Variants in IMPDH2 observed in about 807,000 individuals in gnomAD.
The protein encoded by IMPDH2 is inosine monophosphate dehydrogenase 2.
In IMPDH2, 33 loss-of-function variants were observed where a neutral mutation model predicts 57.8. The observed-to-expected ratio is 0.57, with a 90% CI of 0.43 to 0.76. The LOEUF (loss-of-function observed/expected upper bound fraction) is 0.76. Ranked by LOEUF, IMPDH2 falls within the 30% of genes least tolerant of loss-of-function variation. IMPDH2 has a pLI of 0.00. For missense variants in IMPDH2, 446 were observed against 659.1 expected (o/e 0.68, Z 3.54); for synonymous variants, 270 against 241.3 (o/e 1.12, Z -1.10).
intron 11 of IMPDH2, 44 bp from the exon 12 acceptor site, chr3:49,024,846 GAGAC>G: frequency 1.2e-6 from 2 of 1,614,180 alleles, no homozygotes; most frequent in Non-Finnish European, 1.7e-6. Context: ...CAGCAGAGAT[GAGAC>G]TGTCAGTGCA....
chr3:49,029,212 C>A, intron 1 of IMPDH2, 41 bp downstream of exon 1: 1 of 1,482,150 alleles, frequency 6.7e-7, no homozygotes. Flanking sequence ...CCCCAGGGTG[C>A]CGCCCCTCTC....
chr3:49,028,498 A>G lies in IMPDH2; in HGVS notation c.182T>C (p.Leu61Pro). The G allele has an allele frequency of 6.2e-7, 1 of 1,614,142 alleles. No homozygotes were observed. Among genetic ancestry groups the G allele is most frequent in the African/African-American group, 1.3e-5 (1 of 75,038 alleles). Reference protein sequence around the residue: ...LTSALTKKITLKTPLVSSPMD... With the variant: ...LTSALTKKITPKTPLVSSPMD... ...GGGAGAGGAAACCAGTGGGGTCTTA[A>G]GAGTGATTTTCTTGGTCAGAGCAGA... The change falls in exon 3 of 14, where the codon CTT becomes CCT. Residue 61 changes from leucine (L) to proline (P), a missense_variant. By Grantham distance (98) the Leu-to-Pro change is moderately conservative. Coordinates refer to ENST00000326739, the MANE Select transcript of IMPDH2 (RefSeq NM_000884.3).
chr3:49,024,854 C>A, intron 11 of IMPDH2, 42 bp downstream of exon 11: 1 of 1,614,096 alleles, frequency 6.2e-7, no homozygotes, highest in Non-Finnish European at 8.5e-7. Flanking sequence ...ATGAGACTGT[C>A]AGTGCAGGAT....
Position 49,024,563 on chromosome 3 carries a change from A to G in IMPDH2, c.1455T>C (p.Ser485=), listed in dbSNP as rs1375550292. ...TTCTCTTCTCAAACTTAAGCTCCCC[A>G]GAGTACATCATGGCTCTGAAGAAGG... The part of the protein sequence containing the change: ...SLTQVRAMMY[S]GELKFEKRTS... The change falls in exon 13 of 14, where the codon TCT becomes TCC. Residue 485 remains serine, a synonymous_variant. Transcript: ENST00000326739. 11 of 1,614,204 alleles carry G rather than the reference A, an allele frequency of 6.8e-6. No homozygotes were observed. Among genetic ancestry groups the G allele is most frequent in the Non-Finnish European group, 9.3e-6 (11 of 1,180,034 alleles).
At position 49,025,105 on chromosome 3, in the gene IMPDH2, TTCACGGGTACTGGGCC is replaced by T; in HGVS notation, c.1150+5_1150+20del. On this transcript the variant is annotated splice_donor_5th_base_variant and intron_variant, in intron 10 of 13. Coordinates refer to ENST00000326739, the MANE Select transcript of IMPDH2 (RefSeq NM_000884.3). ...CACTAGGGAGGGGGTCCCACTGGCC[TTCACGGGTACTGGGCC>T]TCACCTGTGGAGGCCCCAAGGGCCA... is the stretch of plus-strand genomic sequence containing the variant. 1 of 1,614,236 alleles carries T rather than the reference TTCACGGGTACTGGGCC, an allele frequency of 6.2e-7. No homozygotes were observed. The highest frequency in any genetic ancestry group is 8.5e-7 in the Non-Finnish European group (1 of 1,180,040).
At position 49,027,929 on chromosome 3, in the gene IMPDH2, G is replaced by T. The variant is rs751266913; in HGVS notation, c.325-13C>A. 1 of 1,586,120 alleles carries T rather than the reference G, an allele frequency of 6.3e-7. No individual in the cohort carries two copies. Among genetic ancestry groups the T allele is most frequent in the Middle Eastern group, 1.7e-4 (1 of 5,838 alleles). On this transcript the variant is annotated splice_polypyrimidine_tract_variant and intron_variant, in intron 4 of 13. Coordinates refer to ENST00000326739, the MANE Select transcript of IMPDH2 (RefSeq NM_000884.3). ...CCTGTTCATATTTCTGGAAAGGGAT[G>T]GTGAGAAAGGGCATCGCATCTTTGA...
chr3:49,024,359 C>T lies in IMPDH2; in HGVS notation c.*24G>A, dbSNP rs577962595. 12 of 1,613,742 alleles carry T rather than the reference C, an allele frequency of 7.4e-6. No individual in the cohort carries two copies. In the African/African-American group the frequency reaches 9.3e-5, roughly 13 times the overall value. On this transcript the variant is annotated 3_prime_UTR_variant, in exon 14 of 14. Transcript: ENST00000326739. ...TCTAAACTTTTATTGAAAAAAAAAC[C>T]GAGGAGGTGTGCTGGATCCCTTTTC...
At chr3:49,025,393 G>T in intron 9 of IMPDH2, 124 bp from the exon 10 acceptor site, 2 of 997,092 alleles carry the variant, frequency 2.0e-6, no homozygotes, top group Non-Finnish European at 3.1e-6. Flanking sequence ...CTTGGCTGAG[G>T]AACAGACGTG....
chr3:49,028,535 G>A lies in IMPDH2; in HGVS notation c.148-3C>T. On this transcript the variant is annotated splice_region_variant and splice_polypyrimidine_tract_variant and intron_variant, in intron 2 of 13. Coordinates refer to ENST00000326739, the MANE Select transcript of IMPDH2 (RefSeq NM_000884.3). ...TTGGTCAGAGCAGAAGTCAGGTCCT[G>A]AGGAGACAAACGTCAACCAGTGTGG... is the stretch of plus-strand genomic sequence containing the variant. The A allele has an allele frequency of 6.2e-7, 1 of 1,610,596 alleles. No individual in the cohort carries two copies. The highest frequency in any genetic ancestry group is 8.5e-7 in the Non-Finnish European group (1 of 1,176,854).
intron 5 of IMPDH2, 94 bp from the exon 6 acceptor site, chr3:49,027,141 C>A: frequency 1.1e-6 from 1 of 923,408 alleles, no homozygotes; most frequent in South Asian, 1.3e-5. Context: ...CTCAGAGGCA[C>A]GCGCCACCAC....
At chr3:49,027,667 C>T (rs1373805289) in intron 5 of IMPDH2, 43 bp downstream of exon 5, 4 of 1,536,138 alleles carry the variant, frequency 2.6e-6, no homozygotes, top group East Asian at 2.2e-5. Context: ...TGTCTTCAAC[C>T]TGGGCTGCTA....
At chr3:49,029,191 T>A in intron 1 of IMPDH2, 62 bp downstream of exon 1, 1 of 1,359,394 alleles carries the variant, frequency 7.4e-7, no homozygotes, top group Non-Finnish European at 1.0e-6. Flanking sequence ...GAAGCCCCCA[T>A]CTGGCCTTTT....
Position 49,026,687 on chromosome 3 carries a change from CA to C in IMPDH2, c.818del (p.Leu273TrpfsTer14). 5 of 1,614,090 alleles carry C rather than the reference CA, an allele frequency of 3.1e-6. No individual in the cohort carries two copies. The highest frequency in any genetic ancestry group is 4.2e-6 in the Non-Finnish European group (5 of 1,180,006). On this transcript the variant is annotated frameshift_variant and splice_region_variant, in exon 7 of 14. Transcript: ENST00000326739. LOFTEE classifies it high-confidence loss of function. ...LAQAGVDVVV[L>X]DSSQGNSIFQ... is the part of the protein sequence containing the mutation. ...CCAACCCACCTGTGTAGCAGCTCAC[CA>C]AAACCACTACATCCACACCAGCCTG...
chr3:49,029,259 G>A lies in IMPDH2; in HGVS notation c.92C>T (p.Thr31Ile), dbSNP rs775059356. The A allele has an allele frequency of 1.4e-5, 23 of 1,602,358 alleles. No individual in the cohort carries two copies. The highest frequency in any genetic ancestry group is 1.9e-5 in the Non-Finnish European group (22 of 1,174,530). Residue 31 changes from threonine to isoleucine, a missense_variant, in exon 1 of 14, where the codon ACC becomes ATC. Coordinates refer to ENST00000326739, the MANE Select transcript of IMPDH2 (RefSeq NM_000884.3). Reference sequence around the variant, plus strand: ...GAGCCCCATAGGCCCGCACTTGTAGGTGAGGCCGTCTCCGCAGTTGAAGAG... The same window carrying A: ...GAGCCCCATAGGCCCGCACTTGTAGATGAGGCCGTCTCCGCAGTTGAAGAG... ...QQLFNCGDGL[T>I]YNDFLILPGY...
chr3:49,028,891 A>G, intron 1 of IMPDH2, 85 bp from the exon 2 acceptor site: 2 of 1,063,960 alleles, frequency 1.9e-6, no homozygotes, highest in East Asian at 4.9e-5. Flanking sequence ...ATCAACCCGT[A>G]ACGCATGTGA....
At chr3:49,029,153 C>T in intron 1 of IMPDH2, 100 bp downstream of exon 1, 1 of 975,858 alleles carries the variant, frequency 1.0e-6, no homozygotes, top group African/African-American at 1.6e-5. Context: ...AAACCTGTCC[C>T]CCACGCCCAC....
intron 1 of IMPDH2, chr3:49,029,011 T>C: frequency 1.5e-6 from 1 of 649,344 alleles, no homozygotes; most frequent in Non-Finnish European, 2.8e-6. Context: ...CCTGGCACCC[T>C]GACAATTCCA....
chr3:49,027,616 A>G (rs2093204805), intron 5 of IMPDH2, 94 bp downstream of exon 5: 2 of 1,054,996 alleles, frequency 1.9e-6, no homozygotes, highest in South Asian at 2.7e-5. Flanking sequence ...TTTCCCAGAG[A>G]GAAGAGGCTA....
At position 49,026,393 on chromosome 3, in the gene IMPDH2, G is replaced by A. The variant is rs147561281; in HGVS notation, c.937C>T (p.Leu313Phe). The A allele has an allele frequency of 1.4e-5, 23 of 1,613,730 alleles. No individual in the cohort carries two copies. The highest frequency in any genetic ancestry group is 1.9e-5 in the Non-Finnish European group (23 of 1,179,880). The part of the protein sequence containing the change: ...NVVTAAQAKN[L>F]IDAGVDALRV... Reference sequence around the variant, plus strand: ...AGGGCATCCACACCTGCATCAATGAGGTTCTTGGCCTGGGCAGCAGTGACC... The same window carrying A: ...AGGGCATCCACACCTGCATCAATGAAGTTCTTGGCCTGGGCAGCAGTGACC... The change falls in exon 9 of 14, where the codon CTC (leucine) becomes TTC (phenylalanine). Residue 313 changes from leucine to phenylalanine, a missense_variant. Leu to Phe is a conservative substitution (Grantham distance 22, BLOSUM62 0). Transcript: ENST00000326739.
Sources: gnomAD v4.1 joint callset for allele counts on GRCh38, gnomAD v4.1.1 for gene constraint, MANE v1.5 for transcripts, NCBI Gene and HGNC (gene_info 2026-07-23, HGNC 2026-07-21) for gene names.